The following ATP6V0D2 variants were observed in gnomAD, a reference collection of about 807,000 sequenced individuals.
ATP6V0D2 encodes the protein ATPase H+ transporting V0 subunit d2.
A neutral mutation model predicts 40.0 loss-of-function variants in ATP6V0D2; 40 were observed. That is an observed-to-expected ratio of 1.00 (90% CI 0.78 to 1.30). The LOEUF is 1.30. ATP6V0D2 is among the 50% of genes most tolerant of loss of function. The pLI, the probability that ATP6V0D2 is intolerant of heterozygous loss-of-function variation, is 0.00. For missense variants in ATP6V0D2, 470 were observed against 423.1 expected (o/e 1.11, Z -0.97); for synonymous variants, 179 against 156.3 (o/e 1.15, Z -1.08).
intron 1 of ATP6V0D2, among the ~76,000 whole-genome samples, chr8:86,106,935 C>G (rs1360979865): frequency 6.6e-6 from 1 of 151,890 alleles, no homozygotes; most frequent in African/African-American, 2.4e-5. Flanking sequence ...CTTTGGGAGG[C>G]CGAGGCAAGA....
At chr8:86,149,632 A>G (rs1045999579) in intron 5 of ATP6V0D2, among the ~76,000 whole-genome samples, 2 of 152,198 alleles carry the variant, frequency 1.3e-5, no homozygotes, top group African/African-American at 4.8e-5. Flanking sequence ...ACAACATTTC[A>G]TTATGTAAAA....
At chr8:86,132,315 G>C (rs1818836194) in intron 2 of ATP6V0D2, among the ~76,000 whole-genome samples, 1 of 152,006 alleles carries the variant, frequency 6.6e-6, no homozygotes, top group African/African-American at 2.4e-5. Flanking sequence ...CTATGACTTT[G>C]AGTATTTGTC....
chr8:86,121,065 G>A (rs377707050), intron 2 of ATP6V0D2, among the ~76,000 whole-genome samples: 35 of 152,180 alleles, frequency 2.3e-4, no homozygotes, highest in African/African-American at 5.5e-4. Context: ...ATTACTTGAA[G>A]GTGACTTTCA....
In ATP6V0D2 at chr8:86,152,853, A is replaced by T; in HGVS notation, c.929A>T (p.His310Leu). 6.2e-7 allele frequency: 1 copy of T among 1,610,252 alleles called. No individual in the cohort carries two copies. ...MNVLAFNRQF[H>L]YGVFYAYVKL... ...GTGCTGGCATTCAACAGACAGTTCC[A>T]CTACGGTGTGTTTTATGCATATGTA... is the stretch of plus-strand genomic sequence containing the variant. The change falls in exon 8 of 8, where the codon CAC (histidine) becomes CTC (leucine). Residue 310 changes from histidine (H) to leucine (L), a missense_variant. By Grantham distance (99) the His-to-Leu change is moderately conservative. Transcript: ENST00000285393.
chr8:86,104,125 G>T lies in ATP6V0D2; in HGVS notation c.130+5017G>T, dbSNP rs181508862. Among the ~76,000 whole-genome samples, 3 of 152,244 alleles carry T rather than the reference G, an allele frequency of 2.0e-5. No homozygotes were observed. The East Asian group carries it at 5.8e-4, about 29-fold the overall frequency. ...TTACAGGCATGACCCACCGCGGCTG[G>T]CCTTTTATGTGGCATAGTTTGGAAT... is the stretch of plus-strand genomic sequence containing the variant. On this transcript the variant is annotated intron_variant, in intron 1 of 7. Coordinates refer to ENST00000285393, the MANE Select transcript of ATP6V0D2 (RefSeq NM_152565.1).
intron 1 of ATP6V0D2, among the ~76,000 whole-genome samples, chr8:86,105,373 T>C (rs935529159): frequency 6.6e-6 from 1 of 151,870 alleles, no homozygotes; most frequent in African/African-American, 2.4e-5. Context: ...TCTCAGTTAC[T>C]GCAACCTCTA....
At chr8:86,143,494 A>T (rs1232015196) in intron 5 of ATP6V0D2, among the ~76,000 whole-genome samples, 1 of 152,178 alleles carries the variant, frequency 6.6e-6, no homozygotes, top group Admixed American at 6.5e-5. Flanking sequence ...GGGGTGGATT[A>T]TTCATGTCTC....
Position 86,139,391 on chromosome 8 carries a change from TAC to T in ATP6V0D2, c.303-65_303-64del. On this transcript the variant is annotated intron_variant, in intron 2 of 7. Transcript: ENST00000285393. ...GTGTACCTAAAGAGTGTGTGTTTTT[TAC>T]TTGTGGGATGCTTCTTATCCTTTTG... is the stretch of plus-strand genomic sequence containing the variant. 3 of 1,394,170 alleles carry T rather than the reference TAC, an allele frequency of 2.2e-6. No homozygotes were observed. The Admixed American group carries it at 6.7e-5, about 31-fold the overall frequency. 86.4% of individuals were successfully genotyped at this position (1,394,170 alleles called of 1,614,324 possible).
chr8:86,148,882 G>A (rs1022325739), intron 5 of ATP6V0D2, among the ~76,000 whole-genome samples: 5 of 151,446 alleles, frequency 3.3e-5, no homozygotes, highest in Non-Finnish European at 7.4e-5. Flanking sequence ...GACCAACCTG[G>A]GCATTATGGC....
chr8:86,124,431 A>G (rs914955343), intron 2 of ATP6V0D2, among the ~76,000 whole-genome samples: 1 of 152,234 alleles, frequency 6.6e-6, no homozygotes, highest in African/African-American at 2.4e-5. Flanking sequence ...AGAGTTACTT[A>G]AGATGCAGAT....
chr8:86,150,686 G>A (rs912477560), intron 6 of ATP6V0D2, among the ~76,000 whole-genome samples: 1 of 152,162 alleles, frequency 6.6e-6, no homozygotes, highest in African/African-American at 2.4e-5. Flanking sequence ...GCCACAGAAC[G>A]TCTAGGTGGA....
chr8:86,134,483 T>C (rs1447664028), intron 2 of ATP6V0D2, among the ~76,000 whole-genome samples: 1 of 152,200 alleles, frequency 6.6e-6, no homozygotes, highest in Non-Finnish European at 1.5e-5. Context: ...CATTACTCTG[T>C]CTGATGTGGT....
rs1819190809 is a variant in ATP6V0D2, at chr8:86,153,761, T to G, written c.*784T>G. 1 of 151,930 alleles carries G rather than the reference T, an allele frequency of 6.6e-6. No homozygotes were observed. Among genetic ancestry groups the G allele is most frequent in the African/African-American group, 2.4e-5 (1 of 41,322 alleles). The allele number at this position is 151,930 out of a possible 1,614,324, so 9.4% of individuals were successfully genotyped here. A position where few individuals can be genotyped will look rare whatever the true frequency, so the allele number is the denominator to read the frequency against. ...AGTGTTGGAAAATGTGTTTTTTGTT[T>G]TGTTTTGTTTTGTTTCGTTTTGTTT... is the stretch of plus-strand genomic sequence containing the variant. On this transcript the variant is annotated 3_prime_UTR_variant, in exon 8 of 8. Transcript: ENST00000285393.
chr8:86,102,705 A>G (rs906477904), intron 1 of ATP6V0D2, among the ~76,000 whole-genome samples: 1 of 152,226 alleles, frequency 6.6e-6, no homozygotes, highest in African/African-American at 2.4e-5. Flanking sequence ...TAAGTGTAGT[A>G]AGAAATACCC....
chr8:86,103,008 A>G (rs1298112555), intron 1 of ATP6V0D2, among the ~76,000 whole-genome samples: 1 of 152,232 alleles, frequency 6.6e-6, no homozygotes, highest in Admixed American at 6.5e-5. Context: ...CTCAAAAAAG[A>G]CAAAATAGTA....
intron 2 of ATP6V0D2, among the ~76,000 whole-genome samples, chr8:86,121,864 T>A (rs1284821917): frequency 2.0e-5 from 3 of 152,174 alleles, no homozygotes; most frequent in Non-Finnish European, 4.4e-5. Context: ...TTAGAGACAG[T>A]CTAAATTTAA....
At chr8:86,145,016 A>T (rs1278798535) in intron 5 of ATP6V0D2, among the ~76,000 whole-genome samples, 2 of 126,006 alleles carry the variant, frequency 1.6e-5, no homozygotes, top group Non-Finnish European at 3.4e-5. Context: ...AAAAAAAATT[A>T]GCTGAATGTG....
intron 2 of ATP6V0D2, among the ~76,000 whole-genome samples, chr8:86,122,445 G>A (rs1483766540): frequency 6.6e-6 from 1 of 152,172 alleles, no homozygotes; most frequent in Non-Finnish European, 1.5e-5. Flanking sequence ...GTGGTGTGCT[G>A]TACATTAGGG....
At chr8:86,104,848 C>T (rs1402228122) in intron 1 of ATP6V0D2, among the ~76,000 whole-genome samples, 1 of 128,900 alleles carries the variant, frequency 7.8e-6, no homozygotes, top group Non-Finnish European at 1.6e-5. Flanking sequence ...GTTTAAAACA[C>T]ATACACACAC....
Sources: allele counts gnomAD v4.1 joint callset (sites outside exome capture counted in the v4.1 genomes callset), GRCh38; gene constraint gnomAD v4.1.1; transcripts MANE v1.5; gene names NCBI Gene and HGNC (gene_info 2026-07-23, HGNC 2026-07-21).